THEMIS: variants seen among roughly 807,000 people sequenced by gnomAD.
The protein encoded by THEMIS is thymocyte selection associated, also known as protein THEMIS.
THEMIS carries 37 observed loss-of-function variants against 52.6 expected under a neutral mutation model. That is an observed-to-expected ratio of 0.70 (90% CI 0.54 to 0.93). The LOEUF (loss-of-function observed/expected upper bound fraction) is 0.93, where lower values mean the gene tolerates loss of function less well. THEMIS is among the 40% of genes least tolerant of loss of function. The pLI, the probability that THEMIS is intolerant of heterozygous loss-of-function variation, is 0.00. For synonymous variants in THEMIS, 292 were observed against 272.7 expected (o/e 1.07, Z -0.70); for missense variants, 808 against 763.1 (o/e 1.06, Z -0.69).
chr6:127,702,690 A>G, the THEMIS span, among the ~76,000 whole-genome samples: 11 of 151,914 alleles, frequency 7.2e-5, no homozygotes, highest in South Asian at 2.1e-3. Context: ...GACATACCCG[A>G]GACTGGGCAA....
At chr6:127,757,474 C>T (rs1162936274) in intron 4 of THEMIS, among the ~76,000 whole-genome samples, 1 of 151,656 alleles carries the variant, frequency 6.6e-6, no homozygotes, top group Non-Finnish European at 1.5e-5. Context: ...ACATGTCACA[C>T]ATGTCACTTT....
chr6:127,755,000 G>A (rs79799661), intron 4 of THEMIS, among the ~76,000 whole-genome samples: 10,594 of 152,046 alleles, frequency 0.07, 375 homozygotes, highest in Non-Finnish European at 0.086. Flanking sequence ...ATAAAGCTCC[G>A]TCACATTCAT....
Position 127,874,444 on chromosome 6 carries a change from A to G in THEMIS, c.92-19256T>C, listed in dbSNP as rs757555928. On this transcript the variant is annotated intron_variant, in intron 1 of 5. Transcript: ENST00000368248. ...ATTTGTGTATATTTTATGGTAGTAT[A>G]CGATAAAATAGATTAGTAGCTACAT... Among the ~76,000 whole-genome samples the G allele has an allele frequency of 4.7e-4, 72 of 152,354 alleles. 2 individuals are homozygous for G. Among genetic ancestry groups the G allele is most frequent in the Middle Eastern group, 3.4e-3 (1 of 294 alleles).
chr6:127,798,787 G>C (rs1277621846), intron 4 of THEMIS, among the ~76,000 whole-genome samples: 3 of 151,882 alleles, frequency 2.0e-5, no homozygotes, highest in African/African-American at 4.8e-5. Flanking sequence ...TCAGGAGATC[G>C]AGACCATCCT....
intron 2 of THEMIS, among the ~76,000 whole-genome samples, chr6:127,850,577 C>T (rs973836842): frequency 6.6e-6 from 1 of 151,876 alleles, no homozygotes; most frequent in Non-Finnish European, 1.5e-5. Context: ...GAAATAATGT[C>T]TTTTGCAGCA....
upstream of THEMIS, chr6:127,901,200 G>C: frequency 2.0e-6 from 1 of 509,112 alleles, no homozygotes; most frequent in Admixed American, 3.4e-5. Context: ...CAGGATGGGG[G>C]TGGGGTGAAC....
intron 2 of THEMIS, among the ~76,000 whole-genome samples, chr6:127,842,498 A>G (rs568595759): frequency 6.6e-6 from 1 of 152,152 alleles, no homozygotes; most frequent in Admixed American, 6.6e-5. Flanking sequence ...TACTTTTCTG[A>G]ATTTTTCACA....
intron 4 of THEMIS, among the ~76,000 whole-genome samples, chr6:127,771,028 G>T (rs1364421864): frequency 6.6e-6 from 1 of 152,106 alleles, no homozygotes; most frequent in African/African-American, 2.4e-5. Flanking sequence ...AAACCCCATT[G>T]TCTCAGCCCA....
intron 4 of THEMIS, among the ~76,000 whole-genome samples, chr6:127,775,366 T>C (rs781365728): frequency 1.6e-4 from 25 of 152,264 alleles, no homozygotes; most frequent in Non-Finnish European, 2.8e-4. Flanking sequence ...GTCCACCTAT[T>C]TCTCTGAGTA....
At chr6:127,810,760 T>G (rs1015531975) in intron 4 of THEMIS, among the ~76,000 whole-genome samples, 3 of 152,120 alleles carry the variant, frequency 2.0e-5, no homozygotes, top group Non-Finnish European at 4.4e-5. Flanking sequence ...GAGATGGGCA[T>G]TAATCCAATC....
intron 4 of THEMIS, among the ~76,000 whole-genome samples, chr6:127,777,457 A>G (rs1321769715): frequency 1.3e-5 from 2 of 152,190 alleles, no homozygotes; most frequent in East Asian, 1.9e-4. Flanking sequence ...ACATTTTTCA[A>G]TGAAAATTTC....
chr6:127,913,639 A>C (rs1781459179), intron 1 of THEMIS, among the ~76,000 whole-genome samples: 4 of 152,244 alleles, frequency 2.6e-5, no homozygotes, highest in Admixed American at 2.6e-4. Flanking sequence ...TGTTTGTCTC[A>C]CTGAGAGATT....
chr6:127,807,849 C>G (rs1260548739), intron 4 of THEMIS, among the ~76,000 whole-genome samples: 1 of 152,188 alleles, frequency 6.6e-6, no homozygotes, highest in Non-Finnish European at 1.5e-5. Context: ...TTCTCTAACA[C>G]ATTTCAGCCA....
At chr6:127,886,166 C>T (rs1780638686) in intron 1 of THEMIS, among the ~76,000 whole-genome samples, 1 of 152,148 alleles carries the variant, frequency 6.6e-6, no homozygotes, top group African/African-American at 2.4e-5. Flanking sequence ...CCAGACATTT[C>T]TTTGGTTAAC....
rs59805084 is a variant in THEMIS at position 127,784,950 on chromosome 6, ACTATCTATCTATCTAT to A, written c.1758+27917_1758+27932del. Among the ~76,000 whole-genome samples, 1,357 of 145,484 alleles carry A rather than the reference ACTATCTATCTATCTAT, an allele frequency of 9.3e-3. 15 individuals carry two copies. Among genetic ancestry groups the A allele is most frequent in the African/African-American group, 0.022 (841 of 38,934 alleles). On this transcript the variant is annotated intron_variant, in intron 4 of 5. Transcript: ENST00000368248. ...ATCTTCAGATAGCAAAGGCAGTCAC[ACTATCTATCTATCTAT>A]CTATCTATCTATCTATCTATCTATC...
chr6:127,711,332 G>T (rs1260478969), intron 5 of THEMIS, among the ~76,000 whole-genome samples: 1 of 151,994 alleles, frequency 6.6e-6, no homozygotes, highest in African/African-American at 2.4e-5. Context: ...AACAAAATAT[G>T]CAGTTCTGTG....
At chr6:127,892,374 C>T (rs1391631836) in intron 1 of THEMIS, among the ~76,000 whole-genome samples, 1 of 152,154 alleles carries the variant, frequency 6.6e-6, no homozygotes, top group African/African-American at 2.4e-5. Context: ...CCCGGTCACC[C>T]TATCAAAAGA....
intron 2 of THEMIS, among the ~76,000 whole-genome samples, chr6:127,837,129 C>A (rs889387797): frequency 6.6e-6 from 1 of 152,020 alleles, no homozygotes; most frequent in African/African-American, 2.4e-5. Flanking sequence ...CTGGATATGG[C>A]CGTCCCTGAC....
chr6:127,907,804 C>T (rs1356728089), intron 1 of THEMIS, among the ~76,000 whole-genome samples: 1 of 150,842 alleles, frequency 6.6e-6, no homozygotes, highest in Non-Finnish European at 1.5e-5. Flanking sequence ...CCATTCTCTT[C>T]TGTCTCCAAC....
Sources: allele counts gnomAD v4.1 joint callset (sites outside exome capture counted in the v4.1 genomes callset), GRCh38; gene constraint gnomAD v4.1.1; transcripts MANE v1.5; gene names NCBI Gene and HGNC (gene_info 2026-07-23, HGNC 2026-07-21).